FBXO11: variants seen among roughly 807,000 people sequenced by gnomAD.
The protein encoded by FBXO11 is F-box only protein 11.
Under a neutral mutation model 117.0 loss-of-function variants are expected in FBXO11, and 13 were observed. The ratio of observed to expected loss-of-function variants is 0.11; its 90% CI spans 0.07 to 0.18. FBXO11 has a LOEUF of 0.18. Ranked by LOEUF, FBXO11 falls within the 10% of genes least tolerant of loss-of-function variation. The probability of loss-of-function intolerance (pLI) is 1.00; values close to 1 mark genes in which losing one functional copy is unlikely to be tolerated. For missense variants in FBXO11, 767 were observed against 1,164.4 expected (o/e 0.66, Z 4.97); for synonymous variants, 490 against 380.5 (o/e 1.29, Z -3.35).
At chr2:47,855,002 T>G (rs1174681163) in intron 1 of FBXO11, among the ~76,000 whole-genome samples, 1 of 151,900 alleles carries the variant, frequency 6.6e-6, no homozygotes, top group East Asian at 1.9e-4. Flanking sequence ...AGCAATAAAT[T>G]AGAAAAAGGC....
chr2:47,809,866 G>T (rs1389051115), intron 19 of FBXO11, 159 bp from the exon 20 acceptor site: 1 of 556,610 alleles, frequency 1.8e-6, no homozygotes, highest in Non-Finnish European at 3.2e-6. Context: ...ACCACCAACA[G>T]TAACATTCAC....
intron 19 of FBXO11, 56 bp from the exon 20 acceptor site, chr2:47,809,763 C>T: frequency 2.6e-6 from 3 of 1,166,996 alleles, no homozygotes; most frequent in Non-Finnish European, 3.8e-6. Context: ...TTCTTAAAAA[C>T]CTGAAATTAG....
intron 1 of FBXO11, 118 bp downstream of exon 1, chr2:47,905,371 G>T: frequency 2.0e-6 from 2 of 999,116 alleles, no homozygotes; most frequent in African/African-American, 1.7e-5. Flanking sequence ...CGCTCAGCTT[G>T]GGTCTCCCAC....
intron 13 of FBXO11, among the ~76,000 whole-genome samples, chr2:47,821,023 A>C (rs61474216): frequency 0.013 from 2,038 of 152,348 alleles, 53 homozygotes; most frequent in African/African-American, 0.046. Context: ...TAATTAGCAC[A>C]AAGTATATTA....
chr2:47,831,520 A>C (rs1316320774), intron 11 of FBXO11, among the ~76,000 whole-genome samples: 2 of 152,020 alleles, frequency 1.3e-5, no homozygotes, highest in Admixed American at 1.3e-4. Context: ...ATATTGTATA[A>C]TAGGCAACAA....
At chr2:47,845,023 T>C (rs1390925309) in intron 1 of FBXO11, among the ~76,000 whole-genome samples, 1 of 152,212 alleles carries the variant, frequency 6.6e-6, no homozygotes, top group Non-Finnish European at 1.5e-5. Flanking sequence ...TTTCCTTCAG[T>C]AGTCAGTCCA....
Position 47,835,995 on chromosome 2 carries a change from T to C in FBXO11, c.594A>G (p.Arg198=). Residue 198 remains arginine, a synonymous_variant, in exon 5 of 23, where the codon CGA becomes CGG. Coordinates refer to ENST00000403359, the MANE Select transcript of FBXO11 (RefSeq NM_001190274.2). ...TATATTCAAATACTTCCATATATAA[T>C]CGTTTCCTGAACAGAGAAAGGAATT... is the stretch of plus-strand genomic sequence containing the variant. ...ELANDPILWK[R]LYMEVFEYTR... The C allele has an allele frequency of 6.3e-7, 1 of 1,597,372 alleles. No homozygotes were observed. The highest frequency in any genetic ancestry group is 8.5e-7 in the Non-Finnish European group (1 of 1,172,098).
intron 13 of FBXO11, among the ~76,000 whole-genome samples, chr2:47,821,218 T>A (rs1466434802): frequency 1.3e-5 from 2 of 152,224 alleles, no homozygotes; most frequent in African/African-American, 2.4e-5. Context: ...ATACCTGTAA[T>A]CCCAGCAATC....
At chr2:47,836,034 TAA>T in intron 4 of FBXO11, 33 bp from the exon 5 acceptor site, 2 of 1,501,222 alleles carry the variant, frequency 1.3e-6, no homozygotes, top group Non-Finnish European at 1.8e-6. Flanking sequence ...ATTTTCTTGA[TAA>T]AATGTCCTTT....
chr2:47,833,133 T>C (rs1274231559), intron 7 of FBXO11, 63 bp from the exon 8 acceptor site: 6 of 1,090,340 alleles, frequency 5.5e-6, no homozygotes, highest in East Asian at 4.8e-5. Context: ...GGTATCTTTA[T>C]GGAGGGGGAA....
At chr2:47,902,147 G>C (rs983173148) in intron 1 of FBXO11, among the ~76,000 whole-genome samples, 1 of 152,026 alleles carries the variant, frequency 6.6e-6, no homozygotes, top group African/African-American at 2.4e-5. Context: ...CGTTGGCCAG[G>C]CTGGTCTTGA....
intron 1 of FBXO11, among the ~76,000 whole-genome samples, chr2:47,860,173 C>T (rs1004406780): frequency 7.2e-5 from 11 of 152,134 alleles, no homozygotes; most frequent in African/African-American, 2.4e-4. Context: ...TTTATTGCTT[C>T]TGTTTCTTAG....
At position 47,905,515 on chromosome 2, in the gene FBXO11, T is replaced by G. The variant is rs1678718799; in HGVS notation, c.206A>C (p.Gln69Pro). The G allele has an allele frequency of 2.4e-6, 3 of 1,233,796 alleles. No individual in the cohort carries two copies. Among genetic ancestry groups the G allele is most frequent in the Non-Finnish European group, 3.0e-6 (3 of 990,792 alleles). 76.4% of individuals were successfully genotyped at this position (1,233,796 alleles called of 1,614,324 possible). A position where few individuals can be genotyped will look rare whatever the true frequency, so the allele number is the denominator to read the frequency against. The change falls in exon 1 of 23, where the codon CAG becomes CCG. Residue 69 changes from glutamine to proline, a missense_variant. Gln to Pro is a moderately conservative substitution (Grantham distance 76, BLOSUM62 -1). This residue lies in a region of FBXO11 where 355 missense variants were observed against 299.8 expected (regional missense o/e 1.18). Transcript: ENST00000403359. ...PPPPPPPPLP[Q>P]ERNNVGERDD... is the part of the protein sequence containing the mutation. ...CCGCTCGCCGACGTTGTTCCGCTCC[T>G]GAGGCAGCGGCGGAGGCGGCGGTGG...
rs529712588 is a variant in FBXO11 at position 47,901,158 on chromosome 2, T to TGG, written c.232+4330_232+4331insCC. Reference sequence around the variant, plus strand: ...ATATATATACACACGTGTGTACATATATACATATATATGTATATATATGTG... The same window carrying TGG: ...ATATATATACACACGTGTGTACATATGGATACATATATATGTATATATATGTG... On this transcript the variant is annotated intron_variant, in intron 1 of 22. Coordinates refer to ENST00000403359, the MANE Select transcript of FBXO11 (RefSeq NM_001190274.2). Among the ~76,000 whole-genome samples the TGG allele has an allele frequency of 5.4e-4, 66 of 121,504 alleles. 1 individual carries two copies. The highest frequency in any genetic ancestry group is 8.0e-4 in the Admixed American group (10 of 12,530). The allele number at this position is 121,504 out of a possible 152,430, so 79.7% of individuals were successfully genotyped here.
At chr2:47,893,030 C>G (rs1677377239) in intron 1 of FBXO11, among the ~76,000 whole-genome samples, 1 of 152,016 alleles carries the variant, frequency 6.6e-6, no homozygotes, top group Non-Finnish European at 1.5e-5. Flanking sequence ...TGGCACGTGC[C>G]TGTAATCCCA....
intron 14 of FBXO11, among the ~76,000 whole-genome samples, chr2:47,819,954 ATATTT>A (rs1210142913): frequency 1.3e-5 from 2 of 152,248 alleles, no homozygotes; most frequent in Non-Finnish European, 1.5e-5. Flanking sequence ...GAAAGTTATT[ATATTT>A]TAACATAAAT....
chr2:47,889,771 A>G (rs183051812), intron 1 of FBXO11, among the ~76,000 whole-genome samples: 7 of 152,348 alleles, frequency 4.6e-5, no homozygotes, highest in African/African-American at 1.7e-4. Context: ...ACATAAAATT[A>G]TTAAACAGAC....
At chr2:47,873,189 G>C (rs537309909) in intron 1 of FBXO11, among the ~76,000 whole-genome samples, 27 of 152,308 alleles carry the variant, frequency 1.8e-4, no homozygotes, top group South Asian at 6.2e-4. Flanking sequence ...AGGAGGCAGA[G>C]GTTTAAAGCA....
intron 1 of FBXO11, chr2:47,866,023 G>C (rs1428608899): frequency 1.3e-5 from 2 of 152,118 alleles, no homozygotes; most frequent in Admixed American, 1.3e-4. Flanking sequence ...GGCTGAGGCA[G>C]GAAGAATCAC....
Sources: allele counts gnomAD v4.1 joint callset (sites outside exome capture counted in the v4.1 genomes callset), GRCh38; gene constraint gnomAD v4.1.1; regional missense constraint gnomAD v4.1.1; transcripts MANE v1.5; gene names NCBI Gene and HGNC (gene_info 2026-07-23, HGNC 2026-07-21).